The following RBMS2 variants were observed in gnomAD, a reference collection of about 807,000 sequenced individuals.
RBMS2 encodes RNA-binding motif, single-stranded-interacting protein 2.
A neutral mutation model predicts 58.4 loss-of-function variants in RBMS2; 38 were observed. The observed-to-expected ratio is 0.65, with a 90% CI of 0.50 to 0.85. The LOEUF is 0.85. Among genes scored for constraint, RBMS2 ranks in the 40% least tolerant of loss-of-function variants. RBMS2 has a pLI of 0.00. For missense variants in RBMS2, 367 were observed against 503.7 expected (o/e 0.73, Z 2.60); for synonymous variants, 151 against 180.7 (o/e 0.84, Z 1.32).
intron 2 of RBMS2, 53 bp from the exon 3 acceptor site, chr12:56,568,922 T>A: frequency 1.4e-6 from 2 of 1,425,426 alleles, no homozygotes; most frequent in Non-Finnish European, 2.0e-6. Context: ...ATCTCTGTCC[T>A]ATTCTTAGTC....
In RBMS2 at chr12:56,582,121, C is replaced by T; in HGVS notation, c.842C>T (p.Pro281Leu). The change falls in exon 9 of 14, where the codon CCA (proline) becomes CTA (leucine). Residue 281 changes from proline (P) to leucine (L), a missense_variant. Pro to Leu is a moderately conservative substitution (Grantham distance 98). Coordinates refer to ENST00000262031, the MANE Select transcript of RBMS2 (RefSeq NM_002898.4). ...NRMLAQSALS[P>L]YLSSPVSSYQ... ...ATGCTTGCTCAGTCTGCACTCTCCC[C>T]ATACCTTTCCTCTCCTGTGTCTTCG... is the stretch of plus-strand genomic sequence containing the variant. 1 of 1,612,228 alleles carries T rather than the reference C, an allele frequency of 6.2e-7. No homozygotes were observed. The highest frequency in any genetic ancestry group is 8.5e-7 in the Non-Finnish European group (1 of 1,178,398).
chr12:56,556,622 C>T (rs1308496957), intron 1 of RBMS2, among the ~76,000 whole-genome samples: 1 of 151,998 alleles, frequency 6.6e-6, no homozygotes, highest in Admixed American at 6.6e-5. Context: ...GTGATCCACC[C>T]GCCTCAGCCT....
At position 56,555,036 on chromosome 12, in the gene RBMS2, C is replaced by T. The variant is rs138962839; in HGVS notation, c.67-7381C>T. 4.8e-3 allele frequency among the ~76,000 whole-genome samples: 721 copies of T among 150,062 alleles called. 4 individuals carry two copies. Among genetic ancestry groups the T allele is most frequent in the Non-Finnish European group, 8.5e-3 (576 of 67,760 alleles). On this transcript the variant is annotated intron_variant, in intron 1 of 13. Coordinates refer to ENST00000262031, the MANE Select transcript of RBMS2 (RefSeq NM_002898.4). ...TTGTGCACATATATAAGCATCCCTA[C>T]AAGTGGAATTTCTGAATAAAAGGAT...
intron 1 of RBMS2, among the ~76,000 whole-genome samples, chr12:56,559,170 A>C (rs1879877036): frequency 6.6e-6 from 1 of 151,304 alleles, no homozygotes; most frequent in African/African-American, 2.4e-5. Context: ...GCAACTCCTT[A>C]GAGATAAAGA....
chr12:56,529,420 G>A (rs753942820), intron 1 of RBMS2, among the ~76,000 whole-genome samples: 27 of 152,002 alleles, frequency 1.8e-4, no homozygotes, highest in Middle Eastern at 3.4e-3. Flanking sequence ...TTAGCCAGGC[G>A]TGCTGGTGTG....
At chr12:56,571,944 A>C in intron 5 of RBMS2, 89 bp downstream of exon 5, 1 of 1,252,064 alleles carries the variant, frequency 8.0e-7, no homozygotes, top group Non-Finnish European at 1.1e-6. Context: ...CCTTTCCCAC[A>C]CAAGGTCAAA....
Position 56,555,315 on chromosome 12 carries a change from C to T in RBMS2, c.67-7102C>T, listed in dbSNP as rs1396205121. On this transcript the variant is annotated intron_variant, in intron 1 of 13. Coordinates refer to ENST00000262031, the MANE Select transcript of RBMS2 (RefSeq NM_002898.4). ...ATTAGCCAGGCATGGTGGCACATGCCTGTAATCCCATCTACTCGGGAGGCT... is the reference window on the plus strand; with the variant it reads ...ATTAGCCAGGCATGGTGGCACATGCTTGTAATCCCATCTACTCGGGAGGCT... Among the ~76,000 whole-genome samples the T allele has an allele frequency of 2.6e-5, 4 of 151,790 alleles. No individual in the cohort carries two copies. The East Asian group carries it at 7.8e-4, about 29-fold the overall frequency.
At chr12:56,583,553 C>G (rs1184246883) in intron 9 of RBMS2, among the ~76,000 whole-genome samples, 1 of 152,060 alleles carries the variant, frequency 6.6e-6, no homozygotes, top group African/African-American at 2.4e-5. Context: ...ACTTGGGAGG[C>G]TGAGGCCAGA....
At chr12:56,579,459 T>C (rs1883599434) in intron 5 of RBMS2, among the ~76,000 whole-genome samples, 1 of 151,966 alleles carries the variant, frequency 6.6e-6, no homozygotes, top group African/African-American at 2.4e-5. Context: ...TGAAACCCCG[T>C]CTCTACTAAA....
At chr12:56,581,346 C>T (rs906186869) in intron 6 of RBMS2, 53 bp from the exon 7 acceptor site, 4 of 1,595,796 alleles carry the variant, frequency 2.5e-6, no homozygotes, top group Non-Finnish European at 3.4e-6. Flanking sequence ...CATGACTGTG[C>T]CTGGGCCACA....
chr12:56,523,725 A>T (rs900282113), intron 1 of RBMS2, among the ~76,000 whole-genome samples: 7 of 152,180 alleles, frequency 4.6e-5, no homozygotes, highest in Admixed American at 3.9e-4. Flanking sequence ...GTGCCACTGC[A>T]CTCCAGCCTG....
At position 56,522,022 on chromosome 12, in the gene RBMS2, A is replaced by G; in HGVS notation, c.-2A>G. On this transcript the variant is annotated 5_prime_UTR_variant, in exon 1 of 14. Coordinates refer to ENST00000262031, the MANE Select transcript of RBMS2 (RefSeq NM_002898.4). Reference sequence around the variant, plus strand: ...CGCTCGTTCCCTAACATTAAAGAGAAAATGCTGCTATCCGTGACTTCCAGG... The same window carrying G: ...CGCTCGTTCCCTAACATTAAAGAGAGAATGCTGCTATCCGTGACTTCCAGG... 1.3e-6 allele frequency: 2 copies of G among 1,561,176 alleles called. No homozygotes were observed. The highest frequency in any genetic ancestry group is 1.7e-4 in the Middle Eastern group (1 of 5,934).
chr12:56,587,101 A>C (rs558321144), intron 10 of RBMS2, among the ~76,000 whole-genome samples, 175 bp downstream of exon 10: 1 of 152,326 alleles, frequency 6.6e-6, no homozygotes, highest in African/African-American at 2.4e-5. Flanking sequence ...CCCTGTCTCT[A>C]CTAAAAATGC....
At position 56,592,715 on chromosome 12, in the gene RBMS2, T is replaced by C. The variant is rs1885391166; in HGVS notation, c.*3582T>C. The C allele has an allele frequency of 1.3e-5, 2 of 152,372 alleles. No homozygotes were observed. The highest frequency in any genetic ancestry group is 3.9e-4 in the East Asian group (2 of 5,186). 9.4% of individuals were successfully genotyped at this position (152,372 alleles called of 1,614,324 possible). A position where few individuals can be genotyped will look rare whatever the true frequency, so the allele number is the denominator to read the frequency against. On this transcript the variant is annotated 3_prime_UTR_variant, in exon 14 of 14. Coordinates refer to ENST00000262031, the MANE Select transcript of RBMS2 (RefSeq NM_002898.4). ...TAGTAGAGATGGGGTTTCACCATGT[T>C]GGCCAGGCTGGTCTCGAACTCCTGA... is the stretch of plus-strand genomic sequence containing the variant.
chr12:56,570,698 C>T (rs1057002301), intron 4 of RBMS2, among the ~76,000 whole-genome samples: 1 of 152,218 alleles, frequency 6.6e-6, no homozygotes, highest in African/African-American at 2.4e-5. Flanking sequence ...CTGCCTCAGC[C>T]TCCCAAGTAG....
intron 5 of RBMS2, 145 bp downstream of exon 5, chr12:56,572,000 C>G (rs1052629285): frequency 6.2e-6 from 6 of 964,100 alleles, no homozygotes; most frequent in Non-Finnish European, 8.5e-6. Flanking sequence ...GTCAAAAGTT[C>G]ATTTTAGGCC....
chr12:56,531,870 G>C (rs928096774), intron 1 of RBMS2, among the ~76,000 whole-genome samples: 1 of 151,500 alleles, frequency 6.6e-6, no homozygotes, highest in African/African-American at 2.4e-5. Context: ...TTGAGGATTG[G>C]TAATGTTTAT....
intron 1 of RBMS2, among the ~76,000 whole-genome samples, chr12:56,526,577 ATGT>A (rs1437335619): frequency 6.7e-6 from 1 of 149,856 alleles, no homozygotes; most frequent in Non-Finnish European, 1.5e-5. Flanking sequence ...AAGGGGAAAA[ATGT>A]GGATTTCAAA....
Position 56,594,764 on chromosome 12 carries a change from T to C in RBMS2, c.*5631T>C, listed in dbSNP as rs1336340169. 6.6e-6 allele frequency: 1 copy of C among 152,244 alleles called. No homozygotes were observed. Among genetic ancestry groups the C allele is most frequent in the Non-Finnish European group, 1.5e-5 (1 of 68,060 alleles). The allele number at this position is 152,244 out of a possible 1,614,324, so 9.4% of individuals were successfully genotyped here. A position where few individuals can be genotyped will look rare whatever the true frequency, so the allele number is the denominator to read the frequency against. ...CGTTACCCCTGACCTGTCCACTTGT[T>C]TTGAATAAACCTTCATTCTCCAAGC... On this transcript the variant is annotated 3_prime_UTR_variant, in exon 14 of 14. Transcript: ENST00000262031.
Sources: allele counts gnomAD v4.1 joint callset (sites outside exome capture counted in the v4.1 genomes callset), GRCh38; gene constraint gnomAD v4.1.1; transcripts MANE v1.5; gene names NCBI Gene and HGNC (gene_info 2026-07-23, HGNC 2026-07-21).